PCDHGB6: variants seen among roughly 807,000 people sequenced by gnomAD.
PCDHGB6 encodes protocadherin gamma-B6.
In PCDHGB6, 51 loss-of-function variants were observed where a neutral mutation model predicts 59.1. That is an observed-to-expected ratio of 0.86 (90% CI 0.69 to 1.09). The LOEUF is 1.09. Among genes scored for constraint, PCDHGB6 ranks in the 50% least tolerant of loss-of-function variants. The pLI, the probability that PCDHGB6 is intolerant of heterozygous loss-of-function variation, is 0.00. For missense variants in PCDHGB6, 1,148 were observed against 1,205.1 expected (o/e 0.95, Z 0.70); for synonymous variants, 466 against 495.1 (o/e 0.94, Z 0.78).
At chr5:141,413,840 G>T (rs1323659502) in intron 1 of PCDHGB6, 1 of 1,613,306 alleles carries the variant, frequency 6.2e-7, no homozygotes, top group Non-Finnish European at 8.5e-7. Flanking sequence ...TCCGACGGGG[G>T]TGACCCTCTC....
intron 1 of PCDHGB6, chr5:141,423,165 C>T (rs1307049367): frequency 6.8e-6 from 11 of 1,613,434 alleles, no homozygotes; most frequent in Admixed American, 3.3e-5. Context: ...TCGTGGTGGC[C>T]GTCCAGGACC....
intron 3 of PCDHGB6, among the ~76,000 whole-genome samples, chr5:141,505,793 GGACTTGGATC>G (rs2099848390): frequency 6.6e-6 from 1 of 152,142 alleles, no homozygotes; most frequent in Non-Finnish European, 1.5e-5. Flanking sequence ...ACTATCCTTG[GGACTTGGATC>G]GACTTGCTCA....
In PCDHGB6 at chr5:141,491,737, G is replaced by A; in HGVS notation, c.2419-3070G>A. The A allele has an allele frequency of 6.2e-7, 1 of 1,600,586 alleles. No homozygotes were observed. Among genetic ancestry groups the A allele is most frequent in the Non-Finnish European group, 8.5e-7 (1 of 1,174,266 alleles). On this transcript the variant is annotated intron_variant, in intron 1 of 3. Coordinates refer to ENST00000520790, the MANE Select transcript of PCDHGB6 (RefSeq NM_018926.3). This position sits in a 1 kb window ranked among gnomAD's most constrained non-coding sequence, Gnocchi z 6.9. ...GGCGCCGCCCCGGGCGACCCCTGGG[G>A]GCGGCACTGGAGAAGCCGCCCGTCC...
At chr5:141,458,459 A>G (rs1232004043) in intron 1 of PCDHGB6, among the ~76,000 whole-genome samples, 1 of 152,006 alleles carries the variant, frequency 6.6e-6, no homozygotes, top group African/African-American at 2.4e-5. Flanking sequence ...AATTTTTAAA[A>G]TACCGTACAA....
chr5:141,422,382 T>C (rs1390444026), intron 1 of PCDHGB6: 5 of 1,585,154 alleles, frequency 3.2e-6, no homozygotes, highest in Admixed American at 1.8e-5. Context: ...AAGTCTCCTG[T>C]TTTATTCCTA....
intron 1 of PCDHGB6, among the ~76,000 whole-genome samples, chr5:141,429,826 C>T (rs1211415098): frequency 2.6e-5 from 4 of 152,054 alleles, no homozygotes; most frequent in Non-Finnish European, 4.4e-5. Context: ...GGTCAGTTAC[C>T]CAGGAAAAGG....
chr5:141,498,045 A>G (rs1368474174), intron 2 of PCDHGB6, among the ~76,000 whole-genome samples: 4 of 152,256 alleles, frequency 2.6e-5, no homozygotes, highest in Non-Finnish European at 4.4e-5. Flanking sequence ...AATTACAAAA[A>G]TAAATGTGAG....
intron 1 of PCDHGB6, chr5:141,428,269 C>T (rs1326212294): frequency 1.3e-6 from 1 of 777,738 alleles, no homozygotes; most frequent in Non-Finnish European, 2.2e-6. Flanking sequence ...CAGTCCTGTG[C>T]CCTCTGATTC....
intron 2 of PCDHGB6, 69 bp from the exon 3 acceptor site, chr5:141,505,324 G>T: frequency 6.2e-7 from 1 of 1,607,102 alleles, no homozygotes; most frequent in African/African-American, 1.3e-5. Context: ...GGAGCCCTGG[G>T]AGAGGACAGG....
At chr5:141,471,046 CTT>C (rs1170588345) in intron 1 of PCDHGB6, among the ~76,000 whole-genome samples, 2,578 of 113,210 alleles carry the variant, frequency 0.023, 53 homozygotes, top group East Asian at 0.11. Context: ...CCCAAGCCCT[CTT>C]TTTTTTTTTT....
intron 1 of PCDHGB6, chr5:141,417,855 G>A: frequency 6.5e-7 from 1 of 1,544,918 alleles, no homozygotes. Context: ...GAACCCGAGC[G>A]AACGATGGGA....
At chr5:141,504,017 T>G (rs1186684262) in intron 2 of PCDHGB6, among the ~76,000 whole-genome samples, 1 of 152,150 alleles carries the variant, frequency 6.6e-6, no homozygotes, top group Non-Finnish European at 1.5e-5. Context: ...TCTCTGCTGG[T>G]CTCTTCCCAC....
intron 1 of PCDHGB6, among the ~76,000 whole-genome samples, chr5:141,474,922 C>G (rs748864870): frequency 3.9e-5 from 6 of 152,238 alleles, no homozygotes; most frequent in Non-Finnish European, 8.8e-5. Flanking sequence ...CATCTCATCT[C>G]TGGCTTATAT....
Position 141,511,029 on chromosome 5 carries a change from G to A in PCDHGB6, c.2649G>A (p.Leu883=), listed in dbSNP as rs1372346241. The part of the protein sequence containing the change: ...LSARYGPQFT[L]QHVPDYRQNV... ...CCCGCTACGGACCCCAGTTCACCCT[G>A]CAGCACGTGCCCGACTACCGCCAGA... The change falls in exon 4 of 4, where the codon CTG becomes CTA. Residue 883 remains leucine, a synonymous_variant. Transcript: ENST00000520790. 6.2e-7 allele frequency: 1 copy of A among 1,614,078 alleles called. No individual in the cohort carries two copies. Among genetic ancestry groups the A allele is most frequent in the Non-Finnish European group, 8.5e-7 (1 of 1,180,032 alleles).
At chr5:141,474,888 G>T (rs1349812637) in intron 1 of PCDHGB6, among the ~76,000 whole-genome samples, 1 of 152,176 alleles carries the variant, frequency 6.6e-6, no homozygotes, top group Non-Finnish European at 1.5e-5. Context: ...ACTCTTAGAG[G>T]TTCATTTCTT....
rs373424450 is a variant in PCDHGB6, at chr5:141,450,829, AT to A, written c.2418+40222del. 1.1e-3 allele frequency among the ~76,000 whole-genome samples: 154 copies of A among 135,102 alleles called. 1 individual carries two copies. Among genetic ancestry groups the A allele is most frequent in the South Asian group, 8.9e-3 (38 of 4,254 alleles). 88.6% of individuals were successfully genotyped at this position (135,102 alleles called of 152,430 possible). ...TTATTTATTTAATATTATTATTATTATTTTTTTTTTTTTGAGATGGGGTCTT... is the reference window on the plus strand; with the variant it reads ...TTATTTATTTAATATTATTATTATTATTTTTTTTTTTTGAGATGGGGTCTT... On this transcript the variant is annotated intron_variant, in intron 1 of 3. Transcript: ENST00000520790.
At chr5:141,421,325 G>T in intron 1 of PCDHGB6, 1 of 1,613,906 alleles carries the variant, frequency 6.2e-7, no homozygotes, top group Non-Finnish European at 8.5e-7. Flanking sequence ...AGGCAGATCC[G>T]ATATTCGGTG....
Position 141,408,126 on chromosome 5 carries a change from C to T in PCDHGB6, c.-77C>T. 22 of 1,479,600 alleles carry T rather than the reference C, an allele frequency of 1.5e-5. No homozygotes were observed. Among genetic ancestry groups the T allele is most frequent in the Non-Finnish European group, 1.6e-5 (18 of 1,112,328 alleles). 91.7% of individuals were successfully genotyped at this position (1,479,600 alleles called of 1,614,324 possible). A position where few individuals can be genotyped will look rare whatever the true frequency, so the allele number is the denominator to read the frequency against. On this transcript the variant is annotated 5_prime_UTR_variant, in exon 1 of 4. Transcript: ENST00000520790. ...ACCCGGGACTCCTCCTGTCCTGGGCCGAATGCTCTTTTAGCGCGGTAGAGT... is the reference window on the plus strand; with the variant it reads ...ACCCGGGACTCCTCCTGTCCTGGGCTGAATGCTCTTTTAGCGCGGTAGAGT...
At chr5:141,482,530 C>CAAAAAAAAAAAA (rs3074545) in intron 1 of PCDHGB6, among the ~76,000 whole-genome samples, 11 of 76,552 alleles carry the variant, frequency 1.4e-4, no homozygotes, top group African/African-American at 2.9e-4. Flanking sequence ...GACAGACATG[C>CAAAAAAAAAAAA]AAAAAAAAAA....
Sources: gnomAD v4.1 joint callset for allele counts (sites outside exome capture counted in the v4.1 genomes callset) on GRCh38, gnomAD v4.1.1 for gene constraint, Gnocchi (gnomAD v3.1) non-coding constraint, MANE v1.5 for transcripts, NCBI Gene and HGNC (gene_info 2026-07-23, HGNC 2026-07-21) for gene names.